PCDH9: variants seen among roughly 807,000 people sequenced by gnomAD.
The protein encoded by PCDH9 is protocadherin 9.
Under a neutral mutation model 70.6 loss-of-function variants are expected in PCDH9, and 24 were observed. The ratio of observed to expected loss-of-function variants is 0.34; its 90% CI spans 0.25 to 0.48. PCDH9 has a LOEUF of 0.48. PCDH9 is among the 20% of genes least tolerant of loss of function. PCDH9 has a pLI of 0.99. For synonymous variants in PCDH9, 562 were observed against 558.5 expected, an observed-to-expected ratio of 1.01 and a Z score of -0.09; for missense variants, 1,281 against 1,503.6, an observed-to-expected ratio of 0.85 and a Z score of 2.45.
rs903093968 is a variant in PCDH9, at chr13:66,333,561, C to T, written c.3341-28533G>A. On this transcript the variant is annotated intron_variant, in intron 4 of 4. Coordinates refer to ENST00000377865, the MANE Select transcript of PCDH9 (RefSeq NM_203487.3). ...ATTTTAAAATAGAATGACTTAAGAA[C>T]GAAGATCTTTATTTTTCATTTTGTT... 2.6e-5 allele frequency among the ~76,000 whole-genome samples: 4 copies of T among 152,166 alleles called. No homozygotes were observed. The East Asian group carries it at 7.7e-4, about 29-fold the overall frequency.
chr13:66,918,558 A>T (rs1027786558), intron 2 of PCDH9, among the ~76,000 whole-genome samples: 1 of 151,296 alleles, frequency 6.6e-6, no homozygotes, highest in Non-Finnish European at 1.5e-5. Context: ...AAATGAATGT[A>T]TCTTAATTTA....
At position 66,621,466 on chromosome 13, in the gene PCDH9, A is replaced by G. The variant is rs192972599; in HGVS notation, c.3340+9744T>C. 5.3e-4 allele frequency among the ~76,000 whole-genome samples: 80 copies of G among 152,250 alleles called. 1 individual carries two copies. The highest frequency in any genetic ancestry group is 2.4e-3 in the Admixed American group (37 of 15,292). ...AGACAATTGCTAATCAAATAACTGTACCTATTTTCTTTGAGGAAAAGGTAT... is the reference window on the plus strand; with the variant it reads ...AGACAATTGCTAATCAAATAACTGTGCCTATTTTCTTTGAGGAAAAGGTAT... On this transcript the variant is annotated intron_variant, in intron 4 of 4. Coordinates refer to ENST00000377865, the MANE Select transcript of PCDH9 (RefSeq NM_203487.3).
intron 3 of PCDH9, among the ~76,000 whole-genome samples, chr13:66,650,138 A>G: frequency 6.6e-6 from 1 of 152,048 alleles, no homozygotes; most frequent in Non-Finnish European, 1.5e-5. Context: ...TTACTTACCA[A>G]TAATAACATT....
At chr13:66,348,582 G>A (rs764225648) in intron 4 of PCDH9, among the ~76,000 whole-genome samples, 10 of 151,148 alleles carry the variant, frequency 6.6e-5, no homozygotes, top group East Asian at 1.9e-4. Flanking sequence ...TACAGACAAG[G>A]TTTTGACATG....
At chr13:66,999,440 A>G (rs2084192946) in intron 2 of PCDH9, among the ~76,000 whole-genome samples, 1 of 152,204 alleles carries the variant, frequency 6.6e-6, no homozygotes, top group South Asian at 2.1e-4. Flanking sequence ...TAGTTTTTAT[A>G]CCATTAAACT....
In PCDH9 at chr13:66,708,243, G is replaced by A. The variant is rs542554840; in HGVS notation, c.3139-76832C>T. 3.1e-3 allele frequency among the ~76,000 whole-genome samples: 466 copies of A among 151,330 alleles called. 3 individuals carry two copies. Among genetic ancestry groups the A allele is most frequent in the Non-Finnish European group, 2.0e-3 (136 of 67,766 alleles). On this transcript the variant is annotated intron_variant, in intron 3 of 4. Coordinates refer to ENST00000377865, the MANE Select transcript of PCDH9 (RefSeq NM_203487.3). ...TTTTTGTATTTTTAGTAGAGACGGG[G>A]TTTCACCGTTTTAGCCGGGATGGTC...
chr13:66,309,299 G>GA (rs1284209494), intron 4 of PCDH9, among the ~76,000 whole-genome samples: 1 of 151,906 alleles, frequency 6.6e-6, no homozygotes, highest in Non-Finnish European at 1.5e-5. Flanking sequence ...TTGGTAAAAA[G>GA]AAAAAGTATA....
intron 4 of PCDH9, among the ~76,000 whole-genome samples, chr13:66,526,767 C>A (rs1231159148): frequency 6.6e-6 from 1 of 152,158 alleles, no homozygotes; most frequent in Non-Finnish European, 1.5e-5. Context: ...GCAAGAATAT[C>A]TCAAAGTGGC....
chr13:66,944,804 C>T (rs1180333218), intron 2 of PCDH9, among the ~76,000 whole-genome samples: 1 of 133,926 alleles, frequency 7.5e-6, no homozygotes, highest in Non-Finnish European at 1.5e-5. Flanking sequence ...TAAGGCCCAT[C>T]TTCTAATCGT....
chr13:67,150,810 AG>A (rs1360540837), intron 2 of PCDH9, among the ~76,000 whole-genome samples: 1 of 152,210 alleles, frequency 6.6e-6, no homozygotes, highest in African/African-American at 2.4e-5. Context: ...ATAGAACTCC[AG>A]GAAGACTGTA....
chr13:67,219,904 A>C (rs1325597747), intron 2 of PCDH9: 1 of 152,084 alleles, frequency 6.6e-6, no homozygotes, highest in Non-Finnish European at 1.5e-5. Context: ...GAAAGATTGC[A>C]CCAAGGATTT....
chr13:67,158,608 A>C (rs2087873493), intron 2 of PCDH9, among the ~76,000 whole-genome samples: 1 of 152,152 alleles, frequency 6.6e-6, no homozygotes, highest in Non-Finnish European at 1.5e-5. Flanking sequence ...AAACCAGGAA[A>C]AGTGCTTTCA....
At chr13:66,976,332 T>A (rs2083619846) in intron 2 of PCDH9, among the ~76,000 whole-genome samples, 1 of 152,108 alleles carries the variant, frequency 6.6e-6, no homozygotes, top group Non-Finnish European at 1.5e-5. Context: ...CTATGTAAAG[T>A]AGTCAATCTA....
chr13:66,986,132 A>G (rs142384528), intron 2 of PCDH9, among the ~76,000 whole-genome samples: 4 of 151,928 alleles, frequency 2.6e-5, no homozygotes, highest in Admixed American at 1.3e-4. Flanking sequence ...GGAAGCAAAC[A>G]TGTCTTCTTC....
intron 4 of PCDH9, among the ~76,000 whole-genome samples, chr13:66,400,246 C>A (rs1957164626): frequency 6.6e-6 from 1 of 152,124 alleles, no homozygotes; most frequent in South Asian, 2.1e-4. Flanking sequence ...CTAAATATAC[C>A]AGTCTGTTAA....
chr13:67,164,685 G>A (rs2088061360), intron 2 of PCDH9, among the ~76,000 whole-genome samples: 1 of 152,120 alleles, frequency 6.6e-6, no homozygotes, highest in Non-Finnish European at 1.5e-5. Flanking sequence ...ACTCTGATCA[G>A]GTCACCTTTC....
rs570976077 is a variant in PCDH9, at chr13:66,949,242, T to C, written c.3037-45637A>G. ...AGCACGGCAAAGAAAAGATGGCATT[T>C]CCAGACAAGTCTTTCATCCTGTGAC... On this transcript the variant is annotated intron_variant, in intron 2 of 4. Coordinates refer to ENST00000377865, the MANE Select transcript of PCDH9 (RefSeq NM_203487.3). 2.0e-5 allele frequency among the ~76,000 whole-genome samples: 3 copies of C among 152,276 alleles called. No individual in the cohort carries two copies. In the South Asian group the frequency reaches 6.2e-4, roughly 32 times the overall value.
intron 2 of PCDH9, among the ~76,000 whole-genome samples, chr13:67,148,031 C>T (rs1047557287): frequency 2.6e-5 from 4 of 152,098 alleles, no homozygotes; most frequent in Admixed American, 6.6e-5. Flanking sequence ...TTTTGCTGAT[C>T]CCGGTCTTTT....
intron 4 of PCDH9, among the ~76,000 whole-genome samples, chr13:66,609,305 T>C (rs1042036112): frequency 1.3e-5 from 2 of 152,170 alleles, no homozygotes; most frequent in African/African-American, 2.4e-5. Flanking sequence ...AACAGCATTT[T>C]AATACAATAT....
Sources: gnomAD v4.1 joint callset for allele counts (sites outside exome capture counted in the v4.1 genomes callset) on GRCh38, gnomAD v4.1.1 for gene constraint, MANE v1.5 for transcripts, NCBI Gene and HGNC (gene_info 2026-07-23, HGNC 2026-07-21) for gene names.